The following NRAP variants were observed in gnomAD, a reference collection of about 807,000 sequenced individuals.
NRAP encodes nebulin-related-anchoring protein.
In NRAP, 189 loss-of-function variants were observed where a neutral mutation model predicts 225.9. The ratio of observed to expected loss-of-function variants is 0.84; its 90% CI spans 0.74 to 0.94. NRAP has a LOEUF of 0.94. Among genes scored for constraint, NRAP ranks in the 40% least tolerant of loss-of-function variants. NRAP has a pLI of 0.00. For missense variants in NRAP, 2,176 were observed against 2,168.7 expected, an observed-to-expected ratio of 1.00 and a Z score of -0.07; for synonymous variants, 769 against 790.7, an observed-to-expected ratio of 0.97 and a Z score of 0.46.
chr10:113,615,059 C>T, intron 27 of NRAP, 113 bp from the exon 28 acceptor site: 1 of 691,144 alleles, frequency 1.4e-6, no homozygotes, highest in Non-Finnish European at 2.6e-6. Context: ...CTCCCCTGGC[C>T]AGTTGGAGTT....
At chr10:113,657,600 A>T (rs1850387158) in intron 3 of NRAP, 26 bp from the exon 4 acceptor site, 1 of 1,272,772 alleles carries the variant, frequency 7.9e-7, no homozygotes, top group Non-Finnish European at 1.1e-6. Context: ...GTTGTCAGTA[A>T]TGTTTCCATC....
intron 35 of NRAP, among the ~76,000 whole-genome samples, chr10:113,604,111 G>T (rs1846776067): frequency 6.6e-6 from 1 of 152,004 alleles, no homozygotes. Flanking sequence ...ACAGAAGGTG[G>T]TCAATAAAGA....
intron 29 of NRAP, among the ~76,000 whole-genome samples, chr10:113,613,168 A>C (rs1409707920): frequency 6.6e-6 from 1 of 151,954 alleles, no homozygotes; most frequent in East Asian, 1.9e-4. Flanking sequence ...CCCCACTTCC[A>C]TTCATTCTGT....
rs1848461926 is a variant in NRAP at position 113,629,456 on chromosome 10, CT to C, written c.2040+131del. On this transcript the variant is annotated intron_variant, in intron 19 of 41. Coordinates refer to ENST00000359988, the MANE Select transcript of NRAP (RefSeq NM_198060.4). ...CTCCCCATCTGCCCTTTCTGGCCCCCTGGTACATTTCCTGCAGTTCTTCCTA... is the reference window on the plus strand; with the variant it reads ...CTCCCCATCTGCCCTTTCTGGCCCCCGGTACATTTCCTGCAGTTCTTCCTA... 15 of 673,324 alleles carry C rather than the reference CT, an allele frequency of 2.2e-5. No homozygotes were observed. In the South Asian group the frequency reaches 2.2e-4, roughly 10 times the overall value. 41.7% of individuals were successfully genotyped at this position (673,324 alleles called of 1,614,324 possible). A position where few individuals can be genotyped will look rare whatever the true frequency, so the allele number is the denominator to read the frequency against.
chr10:113,594,486 G>A (rs1306047653), intron 38 of NRAP, among the ~76,000 whole-genome samples: 1 of 152,142 alleles, frequency 6.6e-6, no homozygotes, highest in Non-Finnish European at 1.5e-5. Context: ...TTTCTACAGC[G>A]ATGGGTCTCC....
intron 23 of NRAP, 24 bp downstream of exon 23, chr10:113,623,505 T>G: frequency 6.6e-7 from 1 of 1,520,094 alleles, no homozygotes; most frequent in East Asian, 2.3e-5. Flanking sequence ...TGCGGTCTCT[T>G]GTACAAGGTG....
At chr10:113,653,753 T>C (rs1413403024) in intron 5 of NRAP, among the ~76,000 whole-genome samples, 1 of 152,198 alleles carries the variant, frequency 6.6e-6, no homozygotes, top group Admixed American at 6.5e-5. Flanking sequence ...CTGGAGGTTC[T>C]AGAGCATAAT....
intron 31 of NRAP, 31 bp from the exon 32 acceptor site, chr10:113,608,543 G>T: frequency 7.2e-7 from 1 of 1,382,986 alleles, no homozygotes; most frequent in South Asian, 1.2e-5. Flanking sequence ...GGAAGAAGAC[G>T]ACTCCGTAAG....
intron 23 of NRAP, 26 bp from the exon 24 acceptor site, chr10:113,622,206 T>C: frequency 1.3e-6 from 2 of 1,529,758 alleles, no homozygotes; most frequent in Non-Finnish European, 9.0e-7. Context: ...AGAGCAGGGA[T>C]ACATTAGAAC....
chr10:113,647,569 G>GT, intron 9 of NRAP, among the ~76,000 whole-genome samples: 1 of 47,302 alleles, frequency 2.1e-5, no homozygotes, highest in African/African-American at 4.7e-5. Context: ...CAGTGGTACT[G>GT]CCTCCCCTGG....
At position 113,652,983 on chromosome 10, in the gene NRAP, G is replaced by T; in HGVS notation, c.522C>A (p.Ile174=). ...TCTTGGCCCTTTGATAAGCAGGTGT[G>T]ATCATGGCTGGAAAGCTCCCCTTGC... ...PRGKGSFPAM[I]TPAYQRAKKA... The change falls in exon 6 of 42, where the codon ATC becomes ATA. Residue 174 remains isoleucine, a synonymous_variant. Coordinates refer to ENST00000359988, the MANE Select transcript of NRAP (RefSeq NM_198060.4). 2 of 1,613,382 alleles carry T rather than the reference G, an allele frequency of 1.2e-6. No individual in the cohort carries two copies. The highest frequency in any genetic ancestry group is 1.7e-6 in the Non-Finnish European group (2 of 1,179,772).
intron 13 of NRAP, among the ~76,000 whole-genome samples, chr10:113,640,872 G>C (rs1364896983): frequency 6.6e-6 from 1 of 152,088 alleles, no homozygotes; most frequent in African/African-American, 2.4e-5. Context: ...ATGCTACAGG[G>C]GAAAACAAGG....
intron 5 of NRAP, among the ~76,000 whole-genome samples, chr10:113,653,426 G>A (rs1430606811): frequency 6.6e-6 from 1 of 152,160 alleles, no homozygotes. Flanking sequence ...CTTTCCTTCT[G>A]ACTTTTTGAA....
rs183796484 is a variant in NRAP at position 113,657,205 on chromosome 10, A to C, written c.360+265T>G. The stretch of plus-strand genomic sequence containing the variant: ...AGGGTGGAGCTGAGTGAAGTGTCAG[A>C]GAAAGACAGGGTAGCCTTGGTTTCA... On this transcript the variant is annotated intron_variant, in intron 4 of 41. Coordinates refer to ENST00000359988, the MANE Select transcript of NRAP (RefSeq NM_198060.4). Among the ~76,000 whole-genome samples, 39 of 152,286 alleles carry C rather than the reference A, an allele frequency of 2.6e-4. No homozygotes were observed. The East Asian group carries it at 7.3e-3, about 29-fold the overall frequency.
intron 36 of NRAP, 93 bp downstream of exon 36, chr10:113,597,875 TC>T: frequency 1.1e-6 from 1 of 895,494 alleles, no homozygotes; most frequent in East Asian, 2.4e-5. Flanking sequence ...GGCCATGAGG[TC>T]CTTTGGGTTC....
In NRAP at chr10:113,625,971, A is replaced by T. The variant is rs199546155; in HGVS notation, c.2244+76T>A. On this transcript the variant is annotated intron_variant, in intron 21 of 41. Coordinates refer to ENST00000359988, the MANE Select transcript of NRAP (RefSeq NM_198060.4). Reference sequence around the variant, plus strand: ...GGTTTCTGGATTGTGCCTGGGCGGCACCTGCTGTTGTCCCTGGAGGTCCCC... The same window carrying T: ...GGTTTCTGGATTGTGCCTGGGCGGCTCCTGCTGTTGTCCCTGGAGGTCCCC... 6.4e-5 allele frequency: 61 copies of T among 951,898 alleles called. No homozygotes were observed. The East Asian group carries it at 1.6e-3, about 25-fold the overall frequency. 59.0% of individuals were successfully genotyped at this position (951,898 alleles called of 1,614,324 possible). A position where few individuals can be genotyped will look rare whatever the true frequency, so the allele number is the denominator to read the frequency against.
chr10:113,652,701 G>T (rs1850053609), intron 6 of NRAP, among the ~76,000 whole-genome samples: 1 of 152,088 alleles, frequency 6.6e-6, no homozygotes, highest in Non-Finnish European at 1.5e-5. Flanking sequence ...GAAATCATGT[G>T]GTCCAGACTT....
intron 35 of NRAP, among the ~76,000 whole-genome samples, chr10:113,598,607 A>G (rs1846423698): frequency 6.6e-6 from 1 of 152,180 alleles, no homozygotes; most frequent in African/African-American, 2.4e-5. Flanking sequence ...GCTAGTAGTC[A>G]GGGCTAAGAG....
intron 30 of NRAP, among the ~76,000 whole-genome samples, chr10:113,610,887 AAGTC>A (rs1847283843): frequency 6.6e-6 from 1 of 152,218 alleles, no homozygotes; most frequent in Non-Finnish European, 1.5e-5. Context: ...TGTGGTTAGA[AAGTC>A]AGTTGTCTTG....
Sources: gnomAD v4.1 joint callset for allele counts (sites outside exome capture counted in the v4.1 genomes callset) on GRCh38, gnomAD v4.1.1 for gene constraint, MANE v1.5 for transcripts, NCBI Gene and HGNC (gene_info 2026-07-23, HGNC 2026-07-21) for gene names.